The following SLC9C1 variants were observed in gnomAD, a reference collection of about 807,000 sequenced individuals.
SLC9C1 encodes the protein sodium/hydrogen exchanger 10.
Under a neutral mutation model 140.9 loss-of-function variants are expected in SLC9C1, and 97 were observed. That is an observed-to-expected ratio of 0.69 (90% CI 0.58 to 0.82). SLC9C1 has a LOEUF of 0.82. SLC9C1 is among the 40% of genes least tolerant of loss of function. SLC9C1 has a pLI of 0.00. For missense variants in SLC9C1, 1,340 were observed against 1,389.3 expected, an observed-to-expected ratio of 0.96 and a Z score of 0.56; for synonymous variants, 440 against 442.6, an observed-to-expected ratio of 0.99 and a Z score of 0.07.
chr3:112,243,996 T>G lies in SLC9C1; in HGVS notation c.1278A>C (p.Leu426=). The G allele has an allele frequency of 1.9e-6, 3 of 1,593,838 alleles. No homozygotes were observed. The highest frequency in any genetic ancestry group is 2.6e-6 in the Non-Finnish European group (3 of 1,165,294). ...GGAATAGTAACTGTTAGGGCTTACC[T>G]AGTATAGTAACTGCCACTGGCAAAA... ...RFILPVAVTI[L]GLRDATSTKY... Residue 426 remains leucine, a splice_region_variant and synonymous_variant, in exon 11 of 29, where the codon CTA becomes CTC. Transcript: ENST00000305815.
intron 26 of SLC9C1, among the ~76,000 whole-genome samples, chr3:112,165,970 C>T (rs1053393187): frequency 1.1e-4 from 16 of 152,192 alleles, no homozygotes; most frequent in African/African-American, 2.9e-4. Flanking sequence ...TAAGCAATGG[C>T]GGGTCCCCCT....
chr3:112,197,767 G>C (rs1039288136), intron 20 of SLC9C1, among the ~76,000 whole-genome samples: 4 of 152,058 alleles, frequency 2.6e-5, no homozygotes, highest in African/African-American at 9.7e-5. Flanking sequence ...ATTAATTTTT[G>C]AGCAATAAAT....
intron 1 of SLC9C1, among the ~76,000 whole-genome samples, chr3:112,292,376 T>A (rs2080709124): frequency 6.6e-6 from 1 of 152,226 alleles, no homozygotes; most frequent in South Asian, 2.1e-4. Flanking sequence ...TGGCTATGCA[T>A]ATGTGATAAA....
In SLC9C1 at chr3:112,208,247, G is replaced by C; in HGVS notation, c.1917C>G (p.Ile639Met). 6.2e-7 allele frequency: 1 copy of C among 1,612,068 alleles called. No individual in the cohort carries two copies. The highest frequency in any genetic ancestry group is 8.5e-7 in the Non-Finnish European group (1 of 1,178,988). Residue 639 changes from isoleucine (I) to methionine (M), a missense_variant, in exon 16 of 29, where the codon ATC becomes ATG. Coordinates refer to ENST00000305815, the MANE Select transcript of SLC9C1 (RefSeq NM_183061.3). The part of the protein sequence containing the change: ...IISWISQLNV[I>M]YHSELKHTNY... ...TAGTGTGTTTTAATTCGCTGTGGTA[G>C]ATTACATTTAACTGGGATATCCAAG...
Position 112,217,506 on chromosome 3 carries a change from A to C in SLC9C1, c.1726T>G (p.Phe576Val). The C allele has an allele frequency of 6.2e-7, 1 of 1,610,564 alleles. No homozygotes were observed. The highest frequency in any genetic ancestry group is 8.5e-7 in the Non-Finnish European group (1 of 1,178,850). Residue 576 changes from phenylalanine (F) to valine (V), a missense_variant, in exon 15 of 29, where the codon TTT becomes GTT. Physicochemically the swap from Phe to Val is conservative, Grantham distance 50. Coordinates refer to ENST00000305815, the MANE Select transcript of SLC9C1 (RefSeq NM_183061.3). ...CAATTAAGTAGTAGTTTTCTAGCAA[A>C]GGTAACTGTTTTTTGGCTTTCAGAA... ...NYSESQKTVT[F>V]ARKLLLNWVY... is the part of the protein sequence containing the mutation.
rs567118869 is a variant in SLC9C1 at position 112,259,735 on chromosome 3, C to G, written c.1197+3189G>C. On this transcript the variant is annotated intron_variant, in intron 10 of 28. Coordinates refer to ENST00000305815, the MANE Select transcript of SLC9C1 (RefSeq NM_183061.3). ...AAACTTCCATGCCATGCAATTTACC[C>G]ATACAACAAACCTGCACATGTATCC... 3.3e-5 allele frequency among the ~76,000 whole-genome samples: 5 copies of G among 152,204 alleles called. No individual in the cohort carries two copies. The East Asian group carries it at 9.6e-4, about 29-fold the overall frequency.
intron 6 of SLC9C1, among the ~76,000 whole-genome samples, chr3:112,273,749 T>C (rs971741445): frequency 2.0e-5 from 3 of 152,060 alleles, no homozygotes; most frequent in Non-Finnish European, 2.9e-5. Flanking sequence ...TCTTGAGTAG[T>C]AGGAGAGGAA....
intron 11 of SLC9C1, among the ~76,000 whole-genome samples, chr3:112,243,159 A>T (rs2079182938): frequency 6.6e-6 from 1 of 152,120 alleles, no homozygotes; most frequent in African/African-American, 2.4e-5. Context: ...CAAGCTAGCC[A>T]CCCCAAGATA....
intron 26 of SLC9C1, 114 bp from the exon 27 acceptor site, chr3:112,155,163 T>C: frequency 2.6e-6 from 2 of 771,388 alleles, no homozygotes; most frequent in Non-Finnish European, 3.9e-6. Flanking sequence ...ACCTGTGATC[T>C]GAAATTGGTG....
At chr3:112,258,510 G>A (rs766022418) in intron 10 of SLC9C1, among the ~76,000 whole-genome samples, 6 of 151,744 alleles carry the variant, frequency 4.0e-5, no homozygotes, top group African/African-American at 7.3e-5. Context: ...CTCAGCTCAC[G>A]GCAACCTCCA....
chr3:112,270,462 G>C (rs1292635890), intron 6 of SLC9C1, among the ~76,000 whole-genome samples: 1 of 152,130 alleles, frequency 6.6e-6, no homozygotes, highest in African/African-American at 2.4e-5. Context: ...ATCTCATTGT[G>C]GTTTTCATTT....
chr3:112,265,195 A>G (rs1324702229), intron 8 of SLC9C1, among the ~76,000 whole-genome samples: 3 of 152,072 alleles, frequency 2.0e-5, no homozygotes, highest in East Asian at 1.9e-4. Flanking sequence ...TAGGCTCAAT[A>G]GTACTAGGAA....
At chr3:112,157,951 T>C (rs551699795) in intron 26 of SLC9C1, among the ~76,000 whole-genome samples, 18 of 152,168 alleles carry the variant, frequency 1.2e-4, no homozygotes, top group Admixed American at 9.2e-4. Context: ...TATGCTATTA[T>C]GTCATCTGCA....
intron 23 of SLC9C1, among the ~76,000 whole-genome samples, chr3:112,175,624 T>G (rs973645528): frequency 6.6e-6 from 1 of 152,166 alleles, no homozygotes; most frequent in Non-Finnish European, 1.5e-5. Flanking sequence ...TGAAACTCAG[T>G]TGGCCAACAC....
At chr3:112,276,041 A>C (rs1165323444) in intron 5 of SLC9C1, among the ~76,000 whole-genome samples, 1 of 152,096 alleles carries the variant, frequency 6.6e-6, no homozygotes, top group Non-Finnish European at 1.5e-5. Context: ...TAGCCCCCTC[A>C]GTGTCCACCA....
chr3:112,189,089 T>C (rs2077597317), intron 20 of SLC9C1, among the ~76,000 whole-genome samples: 1 of 152,194 alleles, frequency 6.6e-6, no homozygotes, highest in Non-Finnish European at 1.5e-5. Flanking sequence ...TGTTTTTTTC[T>C]TGTAAATTTG....
At chr3:112,273,430 T>C (rs553519155) in intron 6 of SLC9C1, among the ~76,000 whole-genome samples, 4 of 152,262 alleles carry the variant, frequency 2.6e-5, no homozygotes, top group South Asian at 2.1e-4. Flanking sequence ...CAAGCTTCCA[T>C]GGGCTAGGTA....
intron 28 of SLC9C1, among the ~76,000 whole-genome samples, chr3:112,145,589 C>CTTTTTTT (rs61547345): frequency 1.6e-3 from 44 of 28,188 alleles, no homozygotes; most frequent in African/African-American, 1.8e-3. Context: ...CTGCCCTTGG[C>CTTTTTTT]TTTTTTTTTT....
intron 26 of SLC9C1, among the ~76,000 whole-genome samples, chr3:112,157,164 GTC>G (rs2075149102): frequency 6.6e-6 from 1 of 151,940 alleles, no homozygotes. Flanking sequence ...TTAAATTTAA[GTC>G]TCTAATCCAT....
Sources: allele counts gnomAD v4.1 joint callset (sites outside exome capture counted in the v4.1 genomes callset), GRCh38; gene constraint gnomAD v4.1.1; transcripts MANE v1.5; gene names NCBI Gene and HGNC (gene_info 2026-07-23, HGNC 2026-07-21).